Variants in LYPD6B observed in about 807,000 individuals in gnomAD.
The protein encoded by LYPD6B is LY6/PLAUR domain containing 6B.
A neutral mutation model predicts 22.8 loss-of-function variants in LYPD6B; 17 were observed. The ratio of observed to expected loss-of-function variants is 0.75; its 90% CI spans 0.51 to 1.12. The LOEUF is 1.12. LYPD6B is among the 50% of genes most tolerant of loss of function. The pLI, the probability that LYPD6B is intolerant of heterozygous loss-of-function variation, is 0.00. For synonymous variants in LYPD6B, 106 were observed against 91.6 expected, an observed-to-expected ratio of 1.16 and a Z score of -0.90; for missense variants, 221 against 258.3, an observed-to-expected ratio of 0.86 and a Z score of 0.99.
intron 5 of LYPD6B, among the ~76,000 whole-genome samples, chr2:149,209,736 G>A (rs183520581): frequency 1.2e-4 from 19 of 152,242 alleles, no homozygotes; most frequent in Admixed American, 4.6e-4. Context: ...ACAAATGGCC[G>A]TGGCATCCAT....
chr2:149,079,642 C>A (rs908302984), intron 1 of LYPD6B, among the ~76,000 whole-genome samples: 2 of 152,136 alleles, frequency 1.3e-5, no homozygotes, highest in South Asian at 4.1e-4. Context: ...TTTTCAGTAA[C>A]TACATTCTTT....
chr2:149,110,156 A>G (rs1686688353), intron 1 of LYPD6B, among the ~76,000 whole-genome samples: 1 of 152,174 alleles, frequency 6.6e-6, no homozygotes, highest in Non-Finnish European at 1.5e-5. Context: ...TAACTTAGAC[A>G]TTGCAGGGTT....
intron 1 of LYPD6B, among the ~76,000 whole-genome samples, chr2:149,095,999 A>G (rs1041157920): frequency 6.6e-6 from 1 of 152,010 alleles, no homozygotes; most frequent in African/African-American, 2.4e-5. Flanking sequence ...GGAGACACAG[A>G]CACACACAGA....
rs374234280 is a variant in LYPD6B at position 149,186,804 on chromosome 2, AT to A, written c.78-18445del. Among the ~76,000 whole-genome samples, 149 of 152,328 alleles carry A rather than the reference AT, an allele frequency of 9.8e-4. 3 individuals are homozygous for A. In the East Asian group the frequency reaches 0.026, roughly 27 times the overall value. Reference sequence around the variant, plus strand: ...ACAGGGTTTGAGAGGATTGGCTCCAATTTTGAAAAATGTTCTATGGGTAAAA... The same window carrying A: ...ACAGGGTTTGAGAGGATTGGCTCCAATTTGAAAAATGTTCTATGGGTAAAA... On this transcript the variant is annotated intron_variant, in intron 3 of 6. Transcript: ENST00000409642.
chr2:149,169,737 T>G (rs973509138), intron 3 of LYPD6B, among the ~76,000 whole-genome samples: 2 of 152,190 alleles, frequency 1.3e-5, no homozygotes, highest in Non-Finnish European at 2.9e-5. Context: ...AAATGCAGAC[T>G]TTAAATACAG....
intron 4 of LYPD6B, among the ~76,000 whole-genome samples, chr2:149,207,972 G>A (rs1022440735): frequency 6.6e-6 from 1 of 152,066 alleles, no homozygotes; most frequent in Non-Finnish European, 1.5e-5. Flanking sequence ...TGACACGTGT[G>A]TTCCAATACC....
chr2:149,087,082 G>A (rs1329656795), intron 1 of LYPD6B, among the ~76,000 whole-genome samples: 1 of 151,892 alleles, frequency 6.6e-6, no homozygotes, highest in Non-Finnish European at 1.5e-5. Flanking sequence ...ACTTCAACAT[G>A]TGAATTTTGG....
At chr2:149,206,913 C>G (rs368401163) in intron 4 of LYPD6B, among the ~76,000 whole-genome samples, 1 of 151,986 alleles carries the variant, frequency 6.6e-6, no homozygotes, top group Non-Finnish European at 1.5e-5. Flanking sequence ...TCACTATTCC[C>G]CCACACTTTA....
chr2:149,141,111 A>G (rs1277864099), intron 2 of LYPD6B, among the ~76,000 whole-genome samples: 2 of 152,122 alleles, frequency 1.3e-5, no homozygotes, highest in African/African-American at 4.8e-5. Context: ...AAGCACTAAA[A>G]CCAGGTAAGA....
intron 1 of LYPD6B, among the ~76,000 whole-genome samples, chr2:149,120,369 A>G: frequency 3.5e-5 from 1 of 28,624 alleles, no homozygotes; most frequent in African/African-American, 1.7e-4. Flanking sequence ...GTGTATATAT[A>G]TATATATATA....
chr2:149,139,590 G>A (rs1375846207), intron 2 of LYPD6B, among the ~76,000 whole-genome samples: 1 of 152,190 alleles, frequency 6.6e-6, no homozygotes, highest in Non-Finnish European at 1.5e-5. Context: ...GCAAGGCACT[G>A]TTTAAAATAT....
chr2:149,130,398 G>A (rs1687952495), intron 1 of LYPD6B, among the ~76,000 whole-genome samples: 4 of 152,132 alleles, frequency 2.6e-5, no homozygotes, highest in Admixed American at 2.6e-4. Flanking sequence ...CTTTATTTAG[G>A]CACACATCCA....
intron 2 of LYPD6B, among the ~76,000 whole-genome samples, chr2:149,155,386 G>C (rs910206825): frequency 1.3e-5 from 2 of 152,178 alleles, no homozygotes; most frequent in African/African-American, 2.4e-5. Context: ...CTTGGCAGGT[G>C]CAAGTGTCAG....
chr2:149,072,793 T>A (rs1438942017), intron 1 of LYPD6B, among the ~76,000 whole-genome samples: 1 of 152,108 alleles, frequency 6.6e-6, no homozygotes, highest in Non-Finnish European at 1.5e-5. Context: ...CAGCTTGGTC[T>A]CCCAAAGGGC....
chr2:149,068,085 C>T (rs1341998042), intron 1 of LYPD6B, among the ~76,000 whole-genome samples: 1 of 152,068 alleles, frequency 6.6e-6, no homozygotes, highest in East Asian at 1.9e-4. Context: ...AAGTCTTTGC[C>T]CAAATCTCTG....
chr2:149,062,279 G>A (rs567406957), intron 1 of LYPD6B, among the ~76,000 whole-genome samples: 119 of 152,156 alleles, frequency 7.8e-4, no homozygotes, highest in Middle Eastern at 3.2e-3. Context: ...GAGCCACCGC[G>A]CCCGGCAGAA....
At chr2:149,141,656 T>C (rs1688700508) in intron 2 of LYPD6B, among the ~76,000 whole-genome samples, 1 of 152,228 alleles carries the variant, frequency 6.6e-6, no homozygotes, top group African/African-American at 2.4e-5. Context: ...TATCAAGTTT[T>C]CTCTTATTCT....
At chr2:149,053,086 G>C in intron 1 of LYPD6B, among the ~76,000 whole-genome samples, 1 of 151,958 alleles carries the variant, frequency 6.6e-6, no homozygotes, top group East Asian at 1.9e-4. Flanking sequence ...TTAAATATTC[G>C]CATGTGTCTA....
At chr2:149,179,273 G>C (rs949402504) in intron 3 of LYPD6B, among the ~76,000 whole-genome samples, 2 of 152,244 alleles carry the variant, frequency 1.3e-5, no homozygotes, top group African/African-American at 2.4e-5. Context: ...CAGTTATGCA[G>C]ATAATTTTCA....
Sources: allele counts gnomAD v4.1 joint callset (sites outside exome capture counted in the v4.1 genomes callset), GRCh38; gene constraint gnomAD v4.1.1; transcripts MANE v1.5; gene names NCBI Gene and HGNC (gene_info 2026-07-23, HGNC 2026-07-21).